The following IQUB variants were observed in gnomAD, a reference collection of about 807,000 sequenced individuals.
IQUB encodes the protein IQ motif and ubiquitin domain containing.
In IQUB, 86 loss-of-function variants were observed where a neutral mutation model predicts 86.4. The observed-to-expected ratio is 1.00, with a 90% CI of 0.84 to 1.19. IQUB has a LOEUF of 1.19. Among genes scored for constraint, IQUB ranks in the 50% most tolerant of loss-of-function variants. The pLI is 0.00. For missense variants in IQUB, 946 were observed against 916.9 expected, an observed-to-expected ratio of 1.03 and a Z score of -0.41; for synonymous variants, 289 against 304.5, an observed-to-expected ratio of 0.95 and a Z score of 0.53.
Position 123,516,648 on chromosome 7 carries a change from T to A in IQUB, c.-4-4304A>T, listed in dbSNP as rs557813042. On this transcript the variant is annotated intron_variant, in intron 1 of 12. Transcript: ENST00000324698. ...ACACTCAGAAAAGTATGAAAGAAAC[T>A]AAGAAAACTAGTTATCTGATGGGGG... is the stretch of plus-strand genomic sequence containing the variant. Among the ~76,000 whole-genome samples, 79 of 146,210 alleles carry A rather than the reference T, an allele frequency of 5.4e-4. 1 individual carries two copies. The highest frequency in any genetic ancestry group is 1.9e-3 in the African/African-American group (75 of 40,516).
chr7:123,527,916 C>G (rs896297154), intron 1 of IQUB, among the ~76,000 whole-genome samples: 5 of 152,218 alleles, frequency 3.3e-5, no homozygotes, highest in African/African-American at 1.2e-4. Context: ...CCCCCAGCCT[C>G]GCTGCCGCCT....
At chr7:123,473,363 A>G (rs568462894) in intron 8 of IQUB, among the ~76,000 whole-genome samples, 2 of 152,332 alleles carry the variant, frequency 1.3e-5, no homozygotes, top group South Asian at 4.1e-4. Context: ...TTAAGCCTGC[A>G]ATTGTGAATA....
At chr7:123,460,730 A>G (rs901137678) in intron 11 of IQUB, among the ~76,000 whole-genome samples, 2 of 151,940 alleles carry the variant, frequency 1.3e-5, no homozygotes, top group African/African-American at 2.4e-5. Context: ...CCTAAACCCA[A>G]TAGAAGACAT....
At chr7:123,461,974 A>G (rs774409574) in intron 10 of IQUB, among the ~76,000 whole-genome samples, 2 of 151,852 alleles carry the variant, frequency 1.3e-5, no homozygotes, top group South Asian at 2.1e-4. Flanking sequence ...TTCTATAGCT[A>G]GATTCGCATA....
At chr7:123,463,229 T>A (rs1794086010) in intron 10 of IQUB, among the ~76,000 whole-genome samples, 1 of 151,746 alleles carries the variant, frequency 6.6e-6, no homozygotes, top group African/African-American at 2.4e-5. Context: ...AAAAAATGCT[T>A]GGTTGTCTCT....
intron 3 of IQUB, among the ~76,000 whole-genome samples, chr7:123,507,138 A>C (rs940083780): frequency 1.3e-5 from 2 of 152,196 alleles, no homozygotes; most frequent in African/African-American, 2.4e-5. Context: ...TCCATCAGAC[A>C]CCACTACATT....
intron 8 of IQUB, among the ~76,000 whole-genome samples, chr7:123,479,580 T>C (rs1018173020): frequency 6.6e-6 from 1 of 152,170 alleles, no homozygotes; most frequent in South Asian, 2.1e-4. Flanking sequence ...TAAGAATGTA[T>C]GGATTTCATA....
chr7:123,466,839 A>G (rs897127680), intron 9 of IQUB, among the ~76,000 whole-genome samples: 5 of 152,136 alleles, frequency 3.3e-5, no homozygotes, highest in South Asian at 4.1e-4. Flanking sequence ...ATCTATGCCT[A>G]TATGTTCTGG....
At chr7:123,530,544 A>G (rs576039546) in intron 1 of IQUB, among the ~76,000 whole-genome samples, 3 of 152,106 alleles carry the variant, frequency 2.0e-5, no homozygotes, top group African/African-American at 7.2e-5. Context: ...ATTTTCAGGG[A>G]AAAAAAATCT....
At chr7:123,492,153 C>T (rs1389947177) in intron 7 of IQUB, among the ~76,000 whole-genome samples, 1 of 152,088 alleles carries the variant, frequency 6.6e-6, no homozygotes, top group African/African-American at 2.4e-5. Context: ...CTTGGAGTTC[C>T]CAGACTTGAG....
intron 8 of IQUB, among the ~76,000 whole-genome samples, chr7:123,477,986 T>C (rs578056174): frequency 6.6e-6 from 1 of 152,222 alleles, no homozygotes. Context: ...CTTTACACTG[T>C]TGGTGGGAGT....
At chr7:123,501,429 T>C (rs1474505456) in intron 6 of IQUB, 2 of 152,156 alleles carry the variant, frequency 1.3e-5, no homozygotes, top group African/African-American at 2.4e-5. Context: ...ACAGTATTTC[T>C]CCCAAGGACA....
chr7:123,524,451 A>C (rs1434209568), intron 1 of IQUB, among the ~76,000 whole-genome samples: 1 of 150,490 alleles, frequency 6.6e-6, no homozygotes, highest in Non-Finnish European at 1.5e-5. Flanking sequence ...TAGGTATTTT[A>C]TTCTCTTTGA....
At chr7:123,469,487 A>G (rs1470998408) in intron 8 of IQUB, 103 bp from the exon 9 acceptor site, 21 of 544,778 alleles carry the variant, frequency 3.9e-5, no homozygotes, top group Non-Finnish European at 6.4e-5. Flanking sequence ...TGTGCTTTAT[A>G]ACTAAAGTAT....
intron 7 of IQUB, among the ~76,000 whole-genome samples, chr7:123,486,216 T>C (rs1218085280): frequency 6.6e-6 from 1 of 152,190 alleles, no homozygotes; most frequent in African/African-American, 2.4e-5. Context: ...AAAATTCAGA[T>C]ATAGACTAGC....
chr7:123,462,240 G>A (rs899464733), intron 10 of IQUB, among the ~76,000 whole-genome samples: 1 of 151,636 alleles, frequency 6.6e-6, no homozygotes, highest in Non-Finnish European at 1.5e-5. Flanking sequence ...CTAATTTATG[G>A]TACCTCTGGT....
intron 8 of IQUB, among the ~76,000 whole-genome samples, chr7:123,473,949 A>G (rs762006525): frequency 4.0e-4 from 61 of 152,216 alleles, no homozygotes; most frequent in African/African-American, 1.4e-3. Flanking sequence ...CTAATTATTT[A>G]ATGCTTTAAA....
chr7:123,461,513 G>A lies in IQUB; in HGVS notation c.1851C>T (p.Ser617=). Residue 617 remains serine, a synonymous_variant, in exon 11 of 13, where the codon TCC becomes TCT. Coordinates refer to ENST00000324698, the MANE Select transcript of IQUB (RefSeq NM_178827.5). ...GACACCGGTATATGCGGCGTGAGGT[G>A]GATGATACAGAAAATTCTGTAGAAG... The part of the protein sequence containing the change: ...YLPSTEFSVS[S]TSRRIYRCRN... The A allele has an allele frequency of 6.2e-7, 1 of 1,612,120 alleles. No homozygotes were observed. Among genetic ancestry groups the A allele is most frequent in the Non-Finnish European group, 8.5e-7 (1 of 1,178,878 alleles).
rs1273566418 is a variant in IQUB at position 123,512,332 on chromosome 7, A to G, written c.9T>C (p.Asn3=). The change falls in exon 2 of 13, where the codon AAT becomes AAC. Residue 3 remains asparagine, a synonymous_variant. Transcript: ENST00000324698. ...TCTGAGCTTCATACTTCTCCTGTTG[A>G]TTAGACATTTTCCTGAATTAAGAAA... is the stretch of plus-strand genomic sequence containing the variant. The part of the protein sequence containing the change: MS[N]QQEKYEAQNI... 3 of 1,551,090 alleles carry G rather than the reference A, an allele frequency of 1.9e-6. No homozygotes were observed. The highest frequency in any genetic ancestry group is 2.6e-6 in the Non-Finnish European group (3 of 1,142,716).
Sources: gnomAD v4.1 joint callset for allele counts (sites outside exome capture counted in the v4.1 genomes callset) on GRCh38, gnomAD v4.1.1 for gene constraint, MANE v1.5 for transcripts, NCBI Gene and HGNC (gene_info 2026-07-23, HGNC 2026-07-21) for gene names.